EHBP1: variants seen among roughly 807,000 people sequenced by gnomAD.
The protein encoded by EHBP1 is EH domain-binding protein 1.
EHBP1 carries 55 observed loss-of-function variants against 144.0 expected under a neutral mutation model. That is an observed-to-expected ratio of 0.38 (90% confidence interval 0.31 to 0.48). The LOEUF is 0.48. EHBP1 is among the 20% of genes least tolerant of loss of function. EHBP1 has a pLI of 0.98. For synonymous variants in EHBP1, 469 were observed against 472.7 expected, an observed-to-expected ratio of 0.99 and a Z score of 0.10; for missense variants, 1,200 against 1,364.2, an observed-to-expected ratio of 0.88 and a Z score of 1.90.
intron 5 of EHBP1, among the ~76,000 whole-genome samples, chr2:62,809,592 G>A (rs982261181): frequency 4.6e-5 from 7 of 152,108 alleles, no homozygotes; most frequent in African/African-American, 1.4e-4. Flanking sequence ...TTGGGGTATG[G>A]ATCCTGTCAC....
chr2:62,747,855 G>A (rs986352880), intron 3 of EHBP1, among the ~76,000 whole-genome samples: 2 of 151,930 alleles, frequency 1.3e-5, no homozygotes, highest in Non-Finnish European at 2.9e-5. Context: ...ATTCAATTAG[G>A]CATCCTTATA....
intron 2 of EHBP1, among the ~76,000 whole-genome samples, chr2:62,713,839 T>C (rs1432546605): frequency 6.6e-6 from 1 of 152,228 alleles, no homozygotes; most frequent in Non-Finnish European, 1.5e-5. Context: ...ATAAACTGAT[T>C]TTTTTTAAAT....
chr2:62,851,311 C>T (rs559348698), intron 7 of EHBP1, among the ~76,000 whole-genome samples: 2 of 152,300 alleles, frequency 1.3e-5, no homozygotes, highest in South Asian at 2.1e-4. Context: ...CATTTCCTAT[C>T]GCTGGCATCT....
chr2:62,800,956 A>G (rs1226348845), intron 5 of EHBP1, among the ~76,000 whole-genome samples: 2 of 152,214 alleles, frequency 1.3e-5, no homozygotes, highest in Non-Finnish European at 2.9e-5. Context: ...ATGCTTCCAA[A>G]CCAATGACTA....
At chr2:62,748,149 A>G (rs1164176256) in intron 3 of EHBP1, among the ~76,000 whole-genome samples, 1 of 152,168 alleles carries the variant, frequency 6.6e-6, no homozygotes, top group Non-Finnish European at 1.5e-5. Context: ...TACCACTTAC[A>G]AAATTGTACC....
chr2:62,874,924 C>A (rs2050762566), intron 10 of EHBP1, among the ~76,000 whole-genome samples: 1 of 152,172 alleles, frequency 6.6e-6, no homozygotes, highest in East Asian at 1.9e-4. Flanking sequence ...CAGACCTCAC[C>A]ACCCTGTTGT....
At chr2:62,689,068 T>C (rs953333494) in intron 1 of EHBP1, among the ~76,000 whole-genome samples, 1 of 152,232 alleles carries the variant, frequency 6.6e-6, no homozygotes. Context: ...AGCCTGTTAT[T>C]TTTTAATAGT....
chr2:62,975,887 T>TATACACACACACAC (rs1446154644), intron 14 of EHBP1, among the ~76,000 whole-genome samples: 71 of 123,750 alleles, frequency 5.7e-4, no homozygotes, highest in African/African-American at 2.0e-3. Flanking sequence ...TTACTGTATG[T>TATACACACACACAC]ACACACACAC....
At chr2:62,995,342 T>G (rs1016333950) in intron 18 of EHBP1, among the ~76,000 whole-genome samples, 12 of 152,060 alleles carry the variant, frequency 7.9e-5, no homozygotes, top group African/African-American at 2.9e-4. Flanking sequence ...TCAACTGCCA[T>G]AATCAATTTA....
At chr2:62,986,767 A>T (rs2059210312) in intron 15 of EHBP1, among the ~76,000 whole-genome samples, 1 of 152,086 alleles carries the variant, frequency 6.6e-6, no homozygotes, top group Non-Finnish European at 1.5e-5. Context: ...TTCTTCTTCC[A>T]AATGGTTTAC....
intron 10 of EHBP1, among the ~76,000 whole-genome samples, chr2:62,878,088 G>A (rs563450530): frequency 7.9e-5 from 12 of 152,214 alleles, no homozygotes; most frequent in East Asian, 5.8e-4. Context: ...CAGACTGCTC[G>A]TTAGGCTAGT....
intron 8 of EHBP1, among the ~76,000 whole-genome samples, chr2:62,862,435 C>T (rs1279898619): frequency 1.3e-5 from 2 of 151,998 alleles, no homozygotes; most frequent in Non-Finnish European, 2.9e-5. Flanking sequence ...AGGGTGAAAC[C>T]TCATCTCTAC....
intron 16 of EHBP1, among the ~76,000 whole-genome samples, chr2:62,992,255 A>C (rs1470185969): frequency 3.3e-5 from 5 of 152,158 alleles, no homozygotes; most frequent in Middle Eastern, 3.2e-3. Context: ...GTAGAACTCT[A>C]TTTTTCTTTA....
At chr2:62,735,517 C>T (rs2152066843) in intron 2 of EHBP1, among the ~76,000 whole-genome samples, 1 of 152,072 alleles carries the variant, frequency 6.6e-6, no homozygotes, top group South Asian at 2.1e-4. Context: ...TAATCAAATA[C>T]ATTGTTGCTA....
chr2:62,988,361 GAT>G (rs1212715764), intron 15 of EHBP1, among the ~76,000 whole-genome samples: 1 of 152,074 alleles, frequency 6.6e-6, no homozygotes, highest in Non-Finnish European at 1.5e-5. Flanking sequence ...ATTTTGGTGT[GAT>G]GTCAGAAGGT....
chr2:62,821,689 A>G (rs1034477552), intron 5 of EHBP1, among the ~76,000 whole-genome samples: 4 of 152,300 alleles, frequency 2.6e-5, no homozygotes, highest in Admixed American at 6.5e-5. Context: ...CAAAAAAGCA[A>G]CAACAGCAAC....
chr2:62,727,231 C>T (rs1050669728), intron 2 of EHBP1, among the ~76,000 whole-genome samples: 1 of 152,046 alleles, frequency 6.6e-6, no homozygotes, highest in African/African-American at 2.4e-5. Flanking sequence ...TCCTTTCCAC[C>T]TTGTTCCACC....
At chr2:62,684,751 G>A (rs2033661286) in intron 1 of EHBP1, among the ~76,000 whole-genome samples, 1 of 152,154 alleles carries the variant, frequency 6.6e-6, no homozygotes, top group Non-Finnish European at 1.5e-5. Context: ...TTTCTATGAA[G>A]TCCACCAGAA....
chr2:62,851,013 CAT>C (rs963361326), intron 7 of EHBP1, among the ~76,000 whole-genome samples: 5 of 152,270 alleles, frequency 3.3e-5, no homozygotes, highest in Middle Eastern at 3.4e-3. Context: ...AACACGCAAA[CAT>C]AGCACTTATC....
Sources: allele counts gnomAD v4.1 joint callset (sites outside exome capture counted in the v4.1 genomes callset), GRCh38; gene constraint gnomAD v4.1.1; transcripts MANE v1.5; gene names NCBI Gene and HGNC (gene_info 2026-07-23, HGNC 2026-07-21).